DOCK3: variants seen among roughly 807,000 people sequenced by gnomAD.
The protein encoded by DOCK3 is dedicator of cytokinesis protein 3.
Under a neutral mutation model 265.6 loss-of-function variants are expected in DOCK3, and 60 were observed. The ratio of observed to expected loss-of-function variants is 0.23; its 90% CI spans 0.18 to 0.28. The LOEUF (loss-of-function observed/expected upper bound fraction) is 0.28, where lower values mean the gene tolerates loss of function less well. Among genes scored for constraint, DOCK3 ranks in the 10% least tolerant of loss-of-function variants. The probability of loss-of-function intolerance (pLI) is 1.00; values close to 1 mark genes in which losing one functional copy is unlikely to be tolerated. For missense variants in DOCK3, 1,981 were observed against 2,594.3 expected (o/e 0.76, Z 5.14); for synonymous variants, 881 against 938.0 (o/e 0.94, Z 1.11).
intron 3 of DOCK3, among the ~76,000 whole-genome samples, chr3:50,856,059 A>G (rs1334398985): frequency 1.3e-5 from 2 of 152,200 alleles, no homozygotes; most frequent in African/African-American, 2.4e-5. Flanking sequence ...GTGTATATGT[A>G]TCACATTTTT....
chr3:51,090,528 C>T, intron 9 of DOCK3, 144 bp downstream of exon 9: 3 of 893,844 alleles, frequency 3.4e-6, no homozygotes, highest in East Asian at 6.0e-5. Context: ...AGTTTTGGCC[C>T]CAATTCCCTG....
At chr3:51,113,068 T>TGCCC (rs1432178223) in intron 9 of DOCK3, among the ~76,000 whole-genome samples, 3 of 152,222 alleles carry the variant, frequency 2.0e-5, no homozygotes, top group Admixed American at 6.5e-5. Context: ...ACACATTGTA[T>TGCCC]GCCCACCATA....
intron 4 of DOCK3, among the ~76,000 whole-genome samples, chr3:50,926,375 A>G (rs980644541): frequency 6.6e-6 from 1 of 152,168 alleles, no homozygotes; most frequent in African/African-American, 2.4e-5. Context: ...AAGTTTGCCT[A>G]TTAATTTGTT....
chr3:51,203,762 T>C (rs1004305598), intron 12 of DOCK3, among the ~76,000 whole-genome samples: 9 of 152,008 alleles, frequency 5.9e-5, no homozygotes, highest in Admixed American at 3.3e-4. Flanking sequence ...TGACTTCAAA[T>C]TATACTACAA....
intron 49 of DOCK3, among the ~76,000 whole-genome samples, chr3:51,365,297 T>G (rs1486358718): frequency 6.6e-6 from 1 of 152,228 alleles, no homozygotes; most frequent in Non-Finnish European, 1.5e-5. Context: ...TGTCTGTTAT[T>G]GGTGTATAGG....
intron 1 of DOCK3, among the ~76,000 whole-genome samples, chr3:50,713,409 T>C (rs1383205109): frequency 1.3e-5 from 2 of 152,186 alleles, no homozygotes; most frequent in African/African-American, 2.4e-5. Flanking sequence ...GTAGTATGGA[T>C]AATGGGAAGA....
intron 4 of DOCK3, among the ~76,000 whole-genome samples, chr3:50,910,082 T>C (rs1175071770): frequency 4.6e-5 from 7 of 152,118 alleles, no homozygotes; most frequent in Non-Finnish European, 8.8e-5. Flanking sequence ...TCAGTTATGC[T>C]CCTTTCTAAA....
chr3:51,303,391 C>G (rs1000124310), intron 27 of DOCK3, among the ~76,000 whole-genome samples: 1 of 152,186 alleles, frequency 6.6e-6, no homozygotes, highest in Non-Finnish European at 1.5e-5. Context: ...TTATTACGCA[C>G]CTTCTGAAGC....
At chr3:51,245,390 CTT>C (rs71084137) in intron 21 of DOCK3, among the ~76,000 whole-genome samples, 172 of 106,648 alleles carry the variant, frequency 1.6e-3, no homozygotes, top group Middle Eastern at 4.8e-3. Context: ...CATTTTCTTT[CTT>C]TTTTTTTTTT....
chr3:51,145,808 A>G (rs1020899308), intron 9 of DOCK3, among the ~76,000 whole-genome samples: 1 of 152,116 alleles, frequency 6.6e-6, no homozygotes, highest in Non-Finnish European at 1.5e-5. Context: ...CAATTTTTCC[A>G]TAGACTGATG....
At chr3:51,199,701 C>T (rs1291061879) in intron 12 of DOCK3, among the ~76,000 whole-genome samples, 7 of 152,274 alleles carry the variant, frequency 4.6e-5, no homozygotes, top group South Asian at 2.1e-4. Flanking sequence ...TCTCCCAGCA[C>T]GCAGCTGGAG....
At chr3:51,103,289 G>A (rs2083154740) in intron 9 of DOCK3, among the ~76,000 whole-genome samples, 1 of 152,156 alleles carries the variant, frequency 6.6e-6, no homozygotes, top group South Asian at 2.1e-4. Flanking sequence ...GCTACAATGA[G>A]ACTACAGAGC....
In DOCK3 at chr3:51,252,673, T is replaced by C. The variant is rs559299236; in HGVS notation, c.2184+5866T>C. Among the ~76,000 whole-genome samples the C allele has an allele frequency of 2.6e-5, 4 of 152,312 alleles. No homozygotes were observed. In the East Asian group the frequency reaches 7.7e-4, roughly 29 times the overall value. On this transcript the variant is annotated intron_variant, in intron 22 of 52. Transcript: ENST00000266037. ...ATTTGGCTCTCTGTTTGTCTGTTAT[T>C]GGTGTATAGGAATGCTTGTGATTTT...
Position 51,381,318 on chromosome 3 carries a change from A to C in DOCK3, c.5852A>C (p.Gln1951Pro). 1 of 1,613,618 alleles carries C rather than the reference A, an allele frequency of 6.2e-7. No homozygotes were observed. Among genetic ancestry groups the C allele is most frequent in the East Asian group, 2.2e-5 (1 of 44,874 alleles). The change falls in exon 53 of 53, where the codon CAG becomes CCG. Residue 1951 changes from glutamine to proline, a missense_variant. Physicochemically the swap from Gln to Pro is moderately conservative, Grantham distance 76. Transcript: ENST00000266037. The surrounding 1 kb of genome is among the most constrained non-coding windows in gnomAD (Gnocchi z 5.6). The stretch of plus-strand genomic sequence containing the variant: ...GCCGTCCTGGACTCCATCAAGGCCC[A>C]GCCATGCCGAAGCCACTCAGCCCCA... ...ESAVLDSIKA[Q>P]PCRSHSAPGC...
intron 5 of DOCK3, among the ~76,000 whole-genome samples, chr3:50,976,338 T>C (rs2077450551): frequency 7.3e-6 from 1 of 136,120 alleles, no homozygotes; most frequent in Non-Finnish European, 1.6e-5. Flanking sequence ...TTCTGGTATG[T>C]TGTGTCTTTG....
At chr3:51,189,954 C>T (rs1038138060) in intron 12 of DOCK3, among the ~76,000 whole-genome samples, 1 of 152,188 alleles carries the variant, frequency 6.6e-6, no homozygotes, top group Non-Finnish European at 1.5e-5. Flanking sequence ...TGGGAGAAGC[C>T]TCAAATGTGT....
intron 4 of DOCK3, among the ~76,000 whole-genome samples, chr3:50,907,898 G>T (rs2049619706): frequency 6.6e-6 from 1 of 151,922 alleles, no homozygotes; most frequent in South Asian, 2.1e-4. Context: ...CAATTTCAGA[G>T]CTTGTTGTTG....
At chr3:51,050,607 G>T (rs1279377642) in intron 5 of DOCK3, among the ~76,000 whole-genome samples, 1 of 152,184 alleles carries the variant, frequency 6.6e-6, no homozygotes. Context: ...AAGGCCGGTG[G>T]TATAATTCAG....
chr3:51,381,545 C>T lies in DOCK3; in HGVS notation c.6079C>T (p.Arg2027Ter). ...EQARMAWEHG[R>*]GEQ ...GGCCCGCATGGCCTGGGAGCACGGC[C>T]GAGGGGAGCAGTGAGGGGCAACGAG... The change falls in exon 53 of 53, where the codon CGA (arginine) becomes TGA (stop). Residue 2027 changes from arginine (R) to a stop codon, truncating the protein, a stop_gained. Transcript: ENST00000266037. LOFTEE classifies it high-confidence loss of function. The surrounding 1 kb of genome is among the most constrained non-coding windows in gnomAD (Gnocchi z 5.6). 4 of 1,538,282 alleles carry T rather than the reference C, an allele frequency of 2.6e-6. No homozygotes were observed. Among genetic ancestry groups the T allele is most frequent in the East Asian group, 2.3e-5 (1 of 42,980 alleles).
Sources: gnomAD v4.1 joint callset for allele counts (sites outside exome capture counted in the v4.1 genomes callset) on GRCh38, gnomAD v4.1.1 for gene constraint, Gnocchi (gnomAD v3.1) non-coding constraint, MANE v1.5 for transcripts, NCBI Gene and HGNC (gene_info 2026-07-23, HGNC 2026-07-21) for gene names.